Variants in GRM7 observed in about 807,000 individuals in gnomAD.
The protein encoded by GRM7 is glutamate metabotropic receptor 7.
GRM7 carries 35 observed loss-of-function variants against 84.5 expected under a neutral mutation model. The ratio of observed to expected loss-of-function variants is 0.41; its 90% confidence interval spans 0.32 to 0.55. GRM7 has a LOEUF of 0.55. Among genes scored for constraint, GRM7 ranks in the 20% least tolerant of loss-of-function variants. GRM7 has a pLI of 0.19. For missense variants in GRM7, 1,003 were observed against 1,194.6 expected, an observed-to-expected ratio of 0.84 and a Z score of 2.36; for synonymous variants, 487 against 455.1, an observed-to-expected ratio of 1.07 and a Z score of -0.89.
At chr3:6,915,505 C>A (rs563413059) in intron 1 of GRM7, among the ~76,000 whole-genome samples, 1 of 152,162 alleles carries the variant, frequency 6.6e-6, no homozygotes, top group Non-Finnish European at 1.5e-5. Flanking sequence ...ACATTCTCAA[C>A]GTTCATCTTT....
chr3:7,585,040 C>T (rs972470687), intron 8 of GRM7, among the ~76,000 whole-genome samples: 1 of 152,094 alleles, frequency 6.6e-6, no homozygotes, highest in Non-Finnish European at 1.5e-5. Context: ...AAACAAAACT[C>T]CATATTTTCT....
chr3:7,510,531 G>GATACA (rs1251593366), intron 7 of GRM7, among the ~76,000 whole-genome samples: 2 of 152,080 alleles, frequency 1.3e-5, no homozygotes, highest in Non-Finnish European at 2.9e-5. Context: ...ATCTCCTTTA[G>GATACA]ATACAAACAA....
At chr3:7,228,341 C>T (rs1004923923) in intron 2 of GRM7, among the ~76,000 whole-genome samples, 3 of 149,848 alleles carry the variant, frequency 2.0e-5, no homozygotes, top group African/African-American at 7.3e-5. Flanking sequence ...AAATAGATAT[C>T]GATTCTCTCA....
intron 1 of GRM7, among the ~76,000 whole-genome samples, chr3:7,108,299 C>T (rs562685720): frequency 4.6e-5 from 7 of 152,088 alleles, no homozygotes; most frequent in African/African-American, 7.2e-5. Flanking sequence ...TATATGGTTG[C>T]GTGGCCTTAG....
At chr3:7,656,960 A>T (rs562947424) in intron 8 of GRM7, among the ~76,000 whole-genome samples, 2 of 152,184 alleles carry the variant, frequency 1.3e-5, no homozygotes, top group African/African-American at 4.8e-5. Flanking sequence ...AAAACATAGT[A>T]TTTACTTTGA....
In GRM7 at chr3:7,578,760, G is replaced by T. The variant is rs146236743; in HGVS notation, c.1854G>T (p.Thr618=). The T allele has an allele frequency of 6.2e-7, 1 of 1,613,464 alleles. No homozygotes were observed. The highest frequency in any genetic ancestry group is 1.1e-5 in the South Asian group (1 of 91,062). The change falls in exon 8 of 10, where the codon ACG becomes ACT. Residue 618 remains threonine, a synonymous_variant. Coordinates refer to ENST00000357716, the MANE Select transcript of GRM7 (RefSeq NM_000844.4). ...VMATFIRYND[T]PIVRASGREL... ...CCACTTTCATCCGCTACAATGACAC[G>T]CCCATTGTCCGGGCATCTGGGCGGG...
chr3:7,072,501 G>A (rs1041478567), intron 1 of GRM7, among the ~76,000 whole-genome samples: 1 of 151,976 alleles, frequency 6.6e-6, no homozygotes, highest in African/African-American at 2.4e-5. Flanking sequence ...TGGCAACATA[G>A]TGAGACCCTG....
At chr3:7,490,965 G>C (rs1442168314) in intron 7 of GRM7, among the ~76,000 whole-genome samples, 1 of 151,630 alleles carries the variant, frequency 6.6e-6, no homozygotes, top group East Asian at 1.9e-4. Context: ...ATCTAAAATA[G>C]AAAAAATCTG....
intron 8 of GRM7, among the ~76,000 whole-genome samples, chr3:7,650,506 T>TA (rs762819102): frequency 3.3e-5 from 5 of 152,148 alleles, no homozygotes; most frequent in Non-Finnish European, 5.9e-5. Flanking sequence ...GTTCAAAAGG[T>TA]AAAAAAAGTG....
At chr3:6,990,307 T>C (rs73128532) in intron 1 of GRM7, among the ~76,000 whole-genome samples, 1,924 of 152,350 alleles carry the variant, frequency 0.013, 36 homozygotes, top group African/African-American at 0.044. Flanking sequence ...AGAAAAACTT[T>C]AAAAGGAAGC....
chr3:7,370,570 A>G (rs536829995), intron 4 of GRM7, among the ~76,000 whole-genome samples: 13 of 144,322 alleles, frequency 9.0e-5, no homozygotes, highest in Non-Finnish European at 1.7e-4. Flanking sequence ...TTACTCATGA[A>G]GGTTCAGGTA....
intron 7 of GRM7, among the ~76,000 whole-genome samples, chr3:7,530,506 G>A (rs1040968637): frequency 6.6e-6 from 1 of 152,082 alleles, no homozygotes; most frequent in Non-Finnish European, 1.5e-5. Flanking sequence ...CTAGATCCTT[G>A]AGGAATTGCC....
chr3:7,667,572 T>C lies in GRM7; in HGVS notation c.2452-12477T>C, dbSNP rs3804845. Among the ~76,000 whole-genome samples the C allele has an allele frequency of 8.6e-3, 1,305 of 152,282 alleles. 24 individuals are homozygous for C. The East Asian group carries it at 0.089, about 10-fold the overall frequency. ...TTAATAATTATATCAAAGTTTCATA[T>C]AGTTTCATTTCAGAAGTCAGATGAA... On this transcript the variant is annotated intron_variant, in intron 8 of 9. Coordinates refer to ENST00000357716, the MANE Select transcript of GRM7 (RefSeq NM_000844.4).
chr3:6,954,658 G>A (rs567105741), intron 1 of GRM7, among the ~76,000 whole-genome samples: 14 of 152,236 alleles, frequency 9.2e-5, no homozygotes, highest in Admixed American at 6.5e-4. Context: ...AGAATTCAAG[G>A]TCCAGGTCTA....
intron 3 of GRM7, among the ~76,000 whole-genome samples, chr3:7,301,392 A>G (rs1477640639): frequency 6.6e-6 from 1 of 152,118 alleles, no homozygotes; most frequent in Non-Finnish European, 1.5e-5. Flanking sequence ...CAGTACTTTA[A>G]AAAATATCTG....
At chr3:7,622,117 C>T (rs1697389004) in intron 8 of GRM7, among the ~76,000 whole-genome samples, 2 of 152,126 alleles carry the variant, frequency 1.3e-5, no homozygotes, top group South Asian at 4.1e-4. Flanking sequence ...TTACCCAAAT[C>T]GCCATTCCAG....
intron 4 of GRM7, among the ~76,000 whole-genome samples, chr3:7,401,198 G>A (rs1230890110): frequency 6.6e-6 from 1 of 152,026 alleles, no homozygotes; most frequent in Non-Finnish European, 1.5e-5. Flanking sequence ...AGCAATCCCT[G>A]GTGACTAAAA....
intron 7 of GRM7, among the ~76,000 whole-genome samples, chr3:7,501,910 T>C (rs900040846): frequency 7.9e-5 from 12 of 152,206 alleles, no homozygotes; most frequent in Admixed American, 2.6e-4. Flanking sequence ...AGGGATGTCA[T>C]ATAAAACCTG....
intron 2 of GRM7, among the ~76,000 whole-genome samples, chr3:7,281,528 T>A (rs1575116219): frequency 6.6e-6 from 1 of 152,246 alleles, no homozygotes; most frequent in Non-Finnish European, 1.5e-5. Context: ...TGATCATTTA[T>A]CTGCAGCTAA....
Sources: gnomAD v4.1 joint callset for allele counts (sites outside exome capture counted in the v4.1 genomes callset) on GRCh38, gnomAD v4.1.1 for gene constraint, MANE v1.5 for transcripts, NCBI Gene and HGNC (gene_info 2026-07-23, HGNC 2026-07-21) for gene names.